EBF4: variants seen among roughly 807,000 people sequenced by gnomAD.
EBF4 encodes EBF transcription factor 4, also known as transcription factor COE4.
A neutral mutation model predicts 67.1 loss-of-function variants in EBF4; 34 were observed. The observed-to-expected ratio is 0.51, with a 90% CI of 0.39 to 0.67. The LOEUF (loss-of-function observed/expected upper bound fraction) is 0.67. Ranked by LOEUF, EBF4 falls within the 30% of genes least tolerant of loss-of-function variation. EBF4 has a pLI of 0.00. For missense variants in EBF4, 837 were observed against 873.3 expected (o/e 0.96, Z 0.52); for synonymous variants, 387 against 377.7 (o/e 1.02, Z -0.29).
In EBF4 at chr20:2,751,948, C is replaced by G; in HGVS notation, c.1134C>G (p.Asp378Glu). Residue 378 changes from aspartate (D) to glutamate (E), a missense_variant, in exon 12 of 17, where the codon GAC (aspartate) becomes GAG (glutamate). This residue lies in a region of EBF4 where 525 missense variants were observed against 496.5 expected (regional missense o/e 1.06). Transcript: ENST00000609451. The surrounding 1 kb of genome is among the most constrained non-coding windows in gnomAD (Gnocchi z 5.2). ...AAGTGCTGCTGAAGCGGGCGGCCGA[C>G]TTGGCAGAAGCCCTGTACGGAGTGC... is the stretch of plus-strand genomic sequence containing the variant. 1 of 1,549,196 alleles carries G rather than the reference C, an allele frequency of 6.5e-7. No homozygotes were observed. Among genetic ancestry groups the G allele is most frequent in the Non-Finnish European group, 8.7e-7 (1 of 1,146,790 alleles).
chr20:2,730,345 A>G (rs2087797412), intron 6 of EBF4, among the ~76,000 whole-genome samples: 2 of 152,124 alleles, frequency 1.3e-5, no homozygotes, highest in South Asian at 2.1e-4. Flanking sequence ...CCCTGCCTTC[A>G]TCTTCACAGT....
chr20:2,726,135 A>G (rs6051338), intron 6 of EBF4, among the ~76,000 whole-genome samples: 5,259 of 152,206 alleles, frequency 0.035, 319 homozygotes, highest in African/African-American at 0.12. Flanking sequence ...TCTTTCTTCC[A>G]TCAATTGGAA....
intron 6 of EBF4, among the ~76,000 whole-genome samples, chr20:2,710,653 T>C (rs1391241995): frequency 6.6e-5 from 10 of 151,862 alleles, no homozygotes; most frequent in Non-Finnish European, 1.3e-4. Flanking sequence ...AAAGCATTCA[T>C]AGGTGCAAAA....
chr20:2,699,602 CTTT>C (rs1451230620), intron 1 of EBF4, among the ~76,000 whole-genome samples: 1 of 152,188 alleles, frequency 6.6e-6, no homozygotes, highest in Admixed American at 6.5e-5. Context: ...TTTAAACAAT[CTTT>C]TTAAGAAAGC....
At chr20:2,740,820 G>A (rs2087956192) in intron 6 of EBF4, among the ~76,000 whole-genome samples, 1 of 152,146 alleles carries the variant, frequency 6.6e-6, no homozygotes, top group South Asian at 2.1e-4. Context: ...TGAATGGCCA[G>A]AGAGTTGGTC....
At chr20:2,717,215 G>C (rs1399422676) in intron 6 of EBF4, among the ~76,000 whole-genome samples, 4 of 152,044 alleles carry the variant, frequency 2.6e-5, no homozygotes, top group Admixed American at 2.6e-4. Flanking sequence ...TATTTATTGA[G>C]CATCTACTAT....
intron 1 of EBF4, among the ~76,000 whole-genome samples, chr20:2,695,494 G>A (rs919736727): frequency 6.8e-6 from 1 of 147,106 alleles, no homozygotes; most frequent in Non-Finnish European, 1.5e-5. Flanking sequence ...GGATGCAGAG[G>A]GCTTCCGCAA....
intron 6 of EBF4, among the ~76,000 whole-genome samples, chr20:2,743,858 C>A (rs1274460823): frequency 6.6e-6 from 1 of 152,048 alleles, no homozygotes; most frequent in Non-Finnish European, 1.5e-5. Flanking sequence ...GTGTGGTGAT[C>A]CAATCCAGAT....
intron 10 of EBF4, among the ~76,000 whole-genome samples, chr20:2,750,376 T>G (rs2146500609): frequency 6.6e-6 from 1 of 152,328 alleles, no homozygotes; most frequent in East Asian, 1.9e-4. Flanking sequence ...TCTGGGTCTC[T>G]TGGTTCCCCC....
intron 6 of EBF4, among the ~76,000 whole-genome samples, chr20:2,728,826 C>G (rs1037967976): frequency 6.6e-6 from 1 of 151,800 alleles, no homozygotes; most frequent in Non-Finnish European, 1.5e-5. Flanking sequence ...GTCCTGGAAA[C>G]CTTTAGCTAA....
At chr20:2,716,359 T>C (rs2087610329) in intron 6 of EBF4, among the ~76,000 whole-genome samples, 1 of 151,670 alleles carries the variant, frequency 6.6e-6, no homozygotes, top group South Asian at 2.1e-4. Context: ...AAACCCTGTC[T>C]CTACTAAAAA....
chr20:2,747,533 G>A lies in EBF4; in HGVS notation c.558-1016G>A, dbSNP rs1454736438. 6.6e-6 allele frequency among the ~76,000 whole-genome samples: 1 copy of A among 152,230 alleles called. No homozygotes were observed. Among genetic ancestry groups the A allele is most frequent in the East Asian group, 1.9e-4 (1 of 5,188 alleles). On this transcript the variant is annotated intron_variant, in intron 6 of 16. Transcript: ENST00000609451. The surrounding 1 kb of genome is among the most constrained non-coding windows in gnomAD (Gnocchi z 4.6). ...CTATGTAAAAAAGAAGACATTCACG[G>A]TGTCTCTGTACCACATGTCTGACAG...
At chr20:2,736,252 T>C (rs1264697252) in intron 6 of EBF4, among the ~76,000 whole-genome samples, 1 of 152,184 alleles carries the variant, frequency 6.6e-6, no homozygotes, top group Non-Finnish European at 1.5e-5. Context: ...CTGGGGGCTA[T>C]GGATACTCCC....
chr20:2,737,240 A>G (rs556635303), intron 6 of EBF4, among the ~76,000 whole-genome samples: 92 of 135,410 alleles, frequency 6.8e-4, no homozygotes, highest in South Asian at 1.8e-3. Context: ...ACAGGAGCGA[A>G]ACTCCGTCTC....
intron 6 of EBF4, among the ~76,000 whole-genome samples, chr20:2,711,138 A>C (rs980473299): frequency 1.4e-5 from 2 of 141,828 alleles, no homozygotes; most frequent in African/African-American, 5.5e-5. Context: ...ACAGAGTGAG[A>C]CCCTGTCTAA....
intron 6 of EBF4, among the ~76,000 whole-genome samples, 173 bp from the exon 7 acceptor site, chr20:2,748,376 G>T (rs2088084758): frequency 6.6e-6 from 1 of 152,132 alleles, no homozygotes; most frequent in Non-Finnish European, 1.5e-5. Context: ...TGTCTGGTGT[G>T]TATCAGGCAC....
chr20:2,757,339 C>T (rs1382189382), intron 15 of EBF4, among the ~76,000 whole-genome samples: 1 of 152,188 alleles, frequency 6.6e-6, no homozygotes, highest in Non-Finnish European at 1.5e-5. Context: ...CTTCTGAGAA[C>T]TGTGCTGATG....
intron 6 of EBF4, among the ~76,000 whole-genome samples, chr20:2,733,442 A>G (rs1185085742): frequency 6.6e-6 from 1 of 152,134 alleles, no homozygotes; most frequent in East Asian, 1.9e-4. Context: ...AGATGTGCTC[A>G]ATAATGTTTT....
At chr20:2,710,889 C>T (rs948714777) in intron 6 of EBF4, among the ~76,000 whole-genome samples, 1 of 152,120 alleles carries the variant, frequency 6.6e-6, no homozygotes, top group Non-Finnish European at 1.5e-5. Flanking sequence ...TGCCTGTAAT[C>T]CCAACACTTT....
Sources: gnomAD v4.1 joint callset for allele counts (sites outside exome capture counted in the v4.1 genomes callset) on GRCh38, gnomAD v4.1.1 for gene constraint, gnomAD v4.1.1 regional missense constraint, Gnocchi (gnomAD v3.1) non-coding constraint, MANE v1.5 for transcripts, NCBI Gene and HGNC (gene_info 2026-07-23, HGNC 2026-07-21) for gene names.